FGD4: variants seen among roughly 807,000 people sequenced by gnomAD.
The protein encoded by FGD4 is FYVE, RhoGEF and PH domain containing 4.
In FGD4, 42 loss-of-function variants were observed where a neutral mutation model predicts 102.0. The observed-to-expected ratio is 0.41, with a 90% CI of 0.32 to 0.53. The LOEUF is 0.53. Ranked by LOEUF, FGD4 falls within the 20% of genes least tolerant of loss-of-function variation. The pLI is 0.21. For missense variants in FGD4, 902 were observed against 1,078.2 expected (o/e 0.84, Z 2.29); for synonymous variants, 380 against 375.7 (o/e 1.01, Z -0.13).
At chr12:32,607,869 C>T (rs1219304249) in intron 7 of FGD4, 88 bp from the exon 8 acceptor site, 2 of 1,445,484 alleles carry the variant, frequency 1.4e-6, no homozygotes, top group Non-Finnish European at 1.9e-6. Context: ...AAAAATATTG[C>T]CCTTGACGAA....
chr12:32,536,579 T>C (rs1942281321), intron 1 of FGD4, among the ~76,000 whole-genome samples: 1 of 152,212 alleles, frequency 6.6e-6, no homozygotes, highest in South Asian at 2.1e-4. Flanking sequence ...TGTTCTCTGA[T>C]TTATCTCCCA....
At chr12:32,630,850 C>T (rs1950461622) in intron 14 of FGD4, among the ~76,000 whole-genome samples, 1 of 150,956 alleles carries the variant, frequency 6.6e-6, no homozygotes, top group South Asian at 2.1e-4. Context: ...TGGTGGCACA[C>T]ACCCGTAGTC....
chr12:32,417,104 C>A (rs1219288391), intron 1 of FGD4, among the ~76,000 whole-genome samples: 4 of 152,094 alleles, frequency 2.6e-5, no homozygotes, highest in Non-Finnish European at 4.4e-5. Context: ...TCATGTTGGT[C>A]AGGCTGGTCT....
intron 1 of FGD4, among the ~76,000 whole-genome samples, chr12:32,416,455 G>C (rs1473189268): frequency 3.3e-5 from 5 of 152,044 alleles, no homozygotes; most frequent in African/African-American, 1.2e-4. Context: ...TAGTGAAGAT[G>C]ATTTTCTCCA....
intron 4 of FGD4, among the ~76,000 whole-genome samples, chr12:32,588,503 C>G (rs140200818): frequency 3.9e-5 from 6 of 152,174 alleles, no homozygotes; most frequent in Non-Finnish European, 8.8e-5. Flanking sequence ...TGAGGGACCA[C>G]AGCACGGAGG....
At chr12:32,558,756 A>G (rs533887881) in intron 1 of FGD4, among the ~76,000 whole-genome samples, 2 of 152,380 alleles carry the variant, frequency 1.3e-5, no homozygotes, top group African/African-American at 4.8e-5. Flanking sequence ...CAACCTCTGC[A>G]GTTGGAACGA....
At chr12:32,485,726 G>T (rs1943878324) in intron 1 of FGD4, 1 of 468,610 alleles carries the variant, frequency 2.1e-6, no homozygotes, top group Non-Finnish European at 2.8e-6. Flanking sequence ...TTACAAGTGT[G>T]AGCCACTGCG....
chr12:32,522,041 A>C (rs1298142367), intron 1 of FGD4, among the ~76,000 whole-genome samples: 1 of 152,246 alleles, frequency 6.6e-6, no homozygotes, highest in Non-Finnish European at 1.5e-5. Flanking sequence ...TTAAACGTGC[A>C]TATGATGGAA....
At chr12:32,415,492 G>A (rs987242519) in intron 1 of FGD4, among the ~76,000 whole-genome samples, 6 of 139,108 alleles carry the variant, frequency 4.3e-5, no homozygotes, top group Admixed American at 1.6e-4. Flanking sequence ...GCACAGTCTC[G>A]GCTCACTGCA....
At chr12:32,509,241 CTTTTTTTT>C (rs35053299) in intron 1 of FGD4, among the ~76,000 whole-genome samples, 51 of 132,692 alleles carry the variant, frequency 3.8e-4, no homozygotes, top group Non-Finnish European at 7.4e-4. Context: ...CTTTTATTCT[CTTTTTTTT>C]TTTTTTTTTT....
intron 6 of FGD4, among the ~76,000 whole-genome samples, 186 bp from the exon 7 acceptor site, chr12:32,601,975 C>T (rs1236993592): frequency 1.3e-5 from 2 of 152,086 alleles, no homozygotes; most frequent in South Asian, 2.1e-4. Context: ...ACTAGCCAGG[C>T]GTGGTGGCGC....
intron 1 of FGD4, chr12:32,534,297 T>C: frequency 1.5e-6 from 2 of 1,327,986 alleles, no homozygotes. Context: ...CCTTGGGCAG[T>C]AAGTTCGAAG....
chr12:32,436,986 G>A (rs905067837), intron 1 of FGD4, among the ~76,000 whole-genome samples: 3 of 152,044 alleles, frequency 2.0e-5, no homozygotes, highest in African/African-American at 7.2e-5. Flanking sequence ...GCGGGCGCCT[G>A]TAGTCCCAGC....
At chr12:32,620,743 G>A (rs535573953) in intron 11 of FGD4, among the ~76,000 whole-genome samples, 4 of 140,926 alleles carry the variant, frequency 2.8e-5, no homozygotes, top group Non-Finnish European at 6.0e-5. Context: ...TGTCTCCCAG[G>A]CTGGAGTGCA....
intron 4 of FGD4, among the ~76,000 whole-genome samples, chr12:32,585,087 G>A (rs1946895971): frequency 6.6e-6 from 1 of 151,488 alleles, no homozygotes; most frequent in Non-Finnish European, 1.5e-5. Flanking sequence ...CTGGTGTGGT[G>A]TCATGCACCA....
In FGD4 at chr12:32,453,241, T is replaced by TATATATATATATAATATATATATATATA. The variant is rs58995403; in HGVS notation, c.166+53282_166+53283insATATATATATATAATATATATATATATA. Among the ~76,000 whole-genome samples the TATATATATATATAATATATATATATATA allele has an allele frequency of 1.3e-3, 92 of 71,160 alleles. 2 individuals are homozygous for TATATATATATATAATATATATATATATA. Among genetic ancestry groups the TATATATATATATAATATATATATATATA allele is most frequent in the South Asian group, 9.0e-3 (16 of 1,778 alleles). 46.7% of individuals were successfully genotyped at this position (71,160 alleles called of 152,430 possible). A position where few individuals can be genotyped will look rare whatever the true frequency, so the allele number is the denominator to read the frequency against. On this transcript the variant is annotated intron_variant, in intron 1 of 16. Coordinates refer to ENST00000534526, the MANE Select transcript of FGD4 (RefSeq NM_001370298.3). ...ATATAATATAGATATATATATATTT[T>TATATATATATATAATATATATATATATA]TTTTTTTTTAAATGTAGAGCCTCAC...
At chr12:32,527,094 T>C (rs768847301) in intron 1 of FGD4, among the ~76,000 whole-genome samples, 1 of 152,186 alleles carries the variant, frequency 6.6e-6, no homozygotes, top group African/African-American at 2.4e-5. Context: ...AATTTGAAAT[T>C]CATATACCAT....
intron 1 of FGD4, among the ~76,000 whole-genome samples, chr12:32,462,660 G>C (rs1295364454): frequency 6.6e-6 from 1 of 152,106 alleles, no homozygotes; most frequent in East Asian, 1.9e-4. Flanking sequence ...TTTCTTTTTA[G>C]GTTTATTTTT....
At chr12:32,453,703 T>C (rs1360057277) in intron 1 of FGD4, among the ~76,000 whole-genome samples, 1 of 152,172 alleles carries the variant, frequency 6.6e-6, no homozygotes, top group African/African-American at 2.4e-5. Context: ...TTTCAAAAAC[T>C]TTTTTCTATA....
Sources: gnomAD v4.1 joint callset for allele counts (sites outside exome capture counted in the v4.1 genomes callset) on GRCh38, gnomAD v4.1.1 for gene constraint, MANE v1.5 for transcripts, NCBI Gene and HGNC (gene_info 2026-07-23, HGNC 2026-07-21) for gene names.